Variants in PIP5K1B observed in about 807,000 individuals in gnomAD.
PIP5K1B encodes the protein phosphatidylinositol 4-phosphate 5-kinase type-1 beta.
In PIP5K1B, 42 loss-of-function variants were observed where a neutral mutation model predicts 67.0. That is an observed-to-expected ratio of 0.63 (90% CI 0.49 to 0.81). PIP5K1B has a LOEUF of 0.81. Among genes scored for constraint, PIP5K1B ranks in the 30% least tolerant of loss-of-function variants. PIP5K1B has a pLI of 0.00. For synonymous variants in PIP5K1B, 214 were observed against 231.4 expected, an observed-to-expected ratio of 0.92 and a Z score of 0.68; for missense variants, 459 against 646.3, an observed-to-expected ratio of 0.71 and a Z score of 3.14.
chr9:68,969,595 T>C (rs1829246286), intron 14 of PIP5K1B, among the ~76,000 whole-genome samples: 1 of 152,030 alleles, frequency 6.6e-6, no homozygotes, highest in African/African-American at 2.4e-5. Context: ...TATAAGAAAT[T>C]GCTAGAAGGC....
At chr9:68,716,906 G>A (rs1040420376) in intron 1 of PIP5K1B, among the ~76,000 whole-genome samples, 3 of 152,142 alleles carry the variant, frequency 2.0e-5, no homozygotes, top group African/African-American at 7.2e-5. Flanking sequence ...ATATTATGCA[G>A]CCATAAGAAA....
intron 3 of PIP5K1B, among the ~76,000 whole-genome samples, chr9:68,819,739 T>C (rs1260812203): frequency 6.6e-6 from 1 of 152,134 alleles, no homozygotes; most frequent in African/African-American, 2.4e-5. Flanking sequence ...TCCCCAAGCA[T>C]CTTATTTGTC....
At chr9:68,977,259 C>G (rs902028552) in intron 14 of PIP5K1B, among the ~76,000 whole-genome samples, 2 of 152,212 alleles carry the variant, frequency 1.3e-5, no homozygotes, top group African/African-American at 4.8e-5. Flanking sequence ...TGGTGGCTCA[C>G]GGCTGTAATC....
intron 4 of PIP5K1B, among the ~76,000 whole-genome samples, chr9:68,863,013 AGTATCTTT>A (rs1293916771): frequency 6.6e-6 from 1 of 152,120 alleles, no homozygotes; most frequent in Admixed American, 6.6e-5. Context: ...TCAGAAAGAA[AGTATCTTT>A]TCTATAAAGT....
intron 2 of PIP5K1B, chr9:68,780,268 C>G: frequency 6.4e-7 from 1 of 1,571,418 alleles, no homozygotes; most frequent in East Asian, 2.2e-5. Flanking sequence ...CTCAGGAGGT[C>G]TAACAGCGCC....
At chr9:68,930,034 C>A (rs959943470) in intron 12 of PIP5K1B, among the ~76,000 whole-genome samples, 1 of 152,244 alleles carries the variant, frequency 6.6e-6, no homozygotes, top group Non-Finnish European at 1.5e-5. Context: ...TGTGAAATAA[C>A]GCTCTTCGCT....
chr9:68,991,272 A>G lies in PIP5K1B; in HGVS notation c.1620+15A>G. ...ACGTCTATTTAGTAAGTAATTTTTTAGTTTCCTCTCCTCCACTTCTGGTTT... is the reference window on the plus strand; with the variant it reads ...ACGTCTATTTAGTAAGTAATTTTTTGGTTTCCTCTCCTCCACTTCTGGTTT... On this transcript the variant is annotated intron_variant, in intron 15 of 15. Coordinates refer to ENST00000265382, the MANE Select transcript of PIP5K1B (RefSeq NM_003558.4). 1 of 1,359,714 alleles carries G rather than the reference A, an allele frequency of 7.4e-7. No individual in the cohort carries two copies. Among genetic ancestry groups the G allele is most frequent in the Non-Finnish European group, 1.1e-6 (1 of 947,832 alleles). 84.2% of individuals were successfully genotyped at this position (1,359,714 alleles called of 1,614,324 possible).
intron 14 of PIP5K1B, among the ~76,000 whole-genome samples, chr9:68,982,467 A>G (rs1052966467): frequency 6.6e-6 from 1 of 152,168 alleles, no homozygotes. Flanking sequence ...TTTTAAATGT[A>G]TATTACTGGC....
chr9:68,753,865 G>T (rs1164815174), intron 2 of PIP5K1B, among the ~76,000 whole-genome samples: 1 of 151,726 alleles, frequency 6.6e-6, no homozygotes, highest in Non-Finnish European at 1.5e-5. Flanking sequence ...TCGCCATGTT[G>T]TCCAGGCCAG....
Position 68,720,626 on chromosome 9 carries a change from G to A in PIP5K1B, c.-243+14864G>A, listed in dbSNP as rs187685816. ...TATTCTCACTTCTGTCTCCAGATAC[G>A]TCTCTTACCTGGGCTGGTGTAGAAA... On this transcript the variant is annotated intron_variant, in intron 1 of 15. Transcript: ENST00000265382. Among the ~76,000 whole-genome samples, 12 of 151,642 alleles carry A rather than the reference G, an allele frequency of 7.9e-5. No individual in the cohort carries two copies. The East Asian group carries it at 2.1e-3, about 27-fold the overall frequency.
intron 2 of PIP5K1B, among the ~76,000 whole-genome samples, chr9:68,745,205 A>C (rs755202371): frequency 2.6e-5 from 4 of 152,168 alleles, no homozygotes; most frequent in Non-Finnish European, 4.4e-5. Flanking sequence ...TGAGGCTGGA[A>C]GGGGGAGAAG....
Position 68,815,267 on chromosome 9 carries a change from TA to T in PIP5K1B, c.-85-3183del, listed in dbSNP as rs11454489. 2.0e-4 allele frequency among the ~76,000 whole-genome samples: 29 copies of T among 147,242 alleles called. 1 individual carries two copies. Among genetic ancestry groups the T allele is most frequent in the African/African-American group, 3.5e-4 (14 of 40,374 alleles). On this transcript the variant is annotated intron_variant, in intron 2 of 15. Transcript: ENST00000265382. ...ATAGCCTAAATGCTTTTGGTACTAT[TA>T]AAAAAAAAAAGAGTGAAAAATAAGC...
At chr9:68,834,298 C>T (rs1038389840) in intron 4 of PIP5K1B, among the ~76,000 whole-genome samples, 3 of 152,218 alleles carry the variant, frequency 2.0e-5, no homozygotes, top group Admixed American at 6.5e-5. Flanking sequence ...TTCCTTCCCA[C>T]GCAAGCTGAT....
intron 6 of PIP5K1B, among the ~76,000 whole-genome samples, chr9:68,884,068 A>G (rs1440870021): frequency 6.6e-6 from 1 of 152,206 alleles, no homozygotes; most frequent in East Asian, 1.9e-4. Flanking sequence ...CACATAGGGG[A>G]AAATTGCGCA....
chr9:68,874,948 T>C (rs1823804467), intron 5 of PIP5K1B, among the ~76,000 whole-genome samples: 1 of 152,196 alleles, frequency 6.6e-6, no homozygotes. Flanking sequence ...TTTATATTAA[T>C]AAATTATTAC....
chr9:68,755,247 G>A (rs1431558998), intron 2 of PIP5K1B, among the ~76,000 whole-genome samples: 1 of 152,204 alleles, frequency 6.6e-6, no homozygotes, highest in Non-Finnish European at 1.5e-5. Context: ...TGACTTTGGA[G>A]ACTGCTTTCC....
chr9:68,825,961 G>A (rs141678853), intron 4 of PIP5K1B, among the ~76,000 whole-genome samples: 8 of 152,214 alleles, frequency 5.3e-5, no homozygotes, highest in East Asian at 1.9e-4. Context: ...TACACTTTGC[G>A]TCTCAGCTAT....
At chr9:68,850,686 C>T (rs994175628) in intron 4 of PIP5K1B, among the ~76,000 whole-genome samples, 24 of 152,328 alleles carry the variant, frequency 1.6e-4, no homozygotes, top group Admixed American at 9.8e-4. Flanking sequence ...ACCAGGAAAT[C>T]AAACATGCTA....
At position 68,913,672 on chromosome 9, in the gene PIP5K1B, G is replaced by T. The variant is rs1423036762; in HGVS notation, c.772-3876G>T. Among the ~76,000 whole-genome samples the T allele has an allele frequency of 3.9e-5, 6 of 152,004 alleles. 1 individual carries two copies. ...CCCAACCCAAACTCTAACTGCAATG[G>T]CCAGCTTTCCACATATGGGGATAGA... On this transcript the variant is annotated intron_variant, in intron 8 of 15. Transcript: ENST00000265382.
Sources: allele counts gnomAD v4.1 joint callset (sites outside exome capture counted in the v4.1 genomes callset), GRCh38; gene constraint gnomAD v4.1.1; transcripts MANE v1.5; gene names NCBI Gene and HGNC (gene_info 2026-07-23, HGNC 2026-07-21).